The following AGBL4 variants were observed in gnomAD, a reference collection of about 807,000 sequenced individuals.
The protein encoded by AGBL4 is AGBL carboxypeptidase 4.
AGBL4 carries 58 observed loss-of-function variants against 66.4 expected under a neutral mutation model. The observed-to-expected ratio is 0.87, with a 90% confidence interval of 0.71 to 1.09. AGBL4 has a LOEUF of 1.09. AGBL4 is among the 50% of genes least tolerant of loss of function. The pLI is 0.00. For missense variants in AGBL4, 579 were observed against 631.0 expected (o/e 0.92, Z 0.88); for synonymous variants, 234 against 222.9 (o/e 1.05, Z -0.44).
chr1:48,578,135 A>G (rs939470540), intron 11 of AGBL4, among the ~76,000 whole-genome samples: 1 of 152,198 alleles, frequency 6.6e-6, no homozygotes, highest in Non-Finnish European at 1.5e-5. Flanking sequence ...AGATCACATC[A>G]TTTCATCTTC....
chr1:49,363,338 T>C (rs1267437596), intron 3 of AGBL4, among the ~76,000 whole-genome samples: 1 of 152,188 alleles, frequency 6.6e-6, no homozygotes, highest in Non-Finnish European at 1.5e-5. Context: ...GTACACACGG[T>C]TGGCTGGCCT....
chr1:49,103,805 C>G (rs554966877), intron 4 of AGBL4, among the ~76,000 whole-genome samples: 7 of 152,170 alleles, frequency 4.6e-5, no homozygotes, highest in Non-Finnish European at 1.0e-4. Context: ...TTCTGTTTGA[C>G]TGATATCCTT....
chr1:49,581,031 T>C (rs1217737939), intron 3 of AGBL4, among the ~76,000 whole-genome samples: 9 of 152,182 alleles, frequency 5.9e-5, no homozygotes, highest in Non-Finnish European at 2.9e-5. Flanking sequence ...TCACAAATGT[T>C]TCAAAGGCTT....
At chr1:48,547,893 T>C (rs1207806249) in intron 11 of AGBL4, among the ~76,000 whole-genome samples, 1 of 152,172 alleles carries the variant, frequency 6.6e-6, no homozygotes, top group Non-Finnish European at 1.5e-5. Flanking sequence ...TTCCCTTCAC[T>C]GGGCCTAACT....
intron 4 of AGBL4, among the ~76,000 whole-genome samples, chr1:49,097,217 AT>A (rs1360775461): frequency 6.6e-6 from 1 of 152,226 alleles, no homozygotes; most frequent in Non-Finnish European, 1.5e-5. Flanking sequence ...ACATAGAATA[AT>A]ATTCCTACAA....
intron 4 of AGBL4, among the ~76,000 whole-genome samples, chr1:49,094,337 G>T (rs968557041): frequency 6.6e-6 from 1 of 152,076 alleles, no homozygotes; most frequent in African/African-American, 2.4e-5. Context: ...TTGAGATGGG[G>T]ATATTATCTG....
At chr1:49,581,796 G>A (rs560596531) in intron 3 of AGBL4, among the ~76,000 whole-genome samples, 90 of 152,288 alleles carry the variant, frequency 5.9e-4, no homozygotes, top group Middle Eastern at 3.4e-3. Flanking sequence ...GGGAGTTCTA[G>A]GCAGGCTGAT....
At chr1:49,864,374 C>T (rs972135702) in intron 1 of AGBL4, among the ~76,000 whole-genome samples, 1 of 152,056 alleles carries the variant, frequency 6.6e-6, no homozygotes, top group Non-Finnish European at 1.5e-5. Flanking sequence ...TGACTATAGT[C>T]AATAATAACT....
chr1:49,209,916 G>C (rs544124467), intron 4 of AGBL4, among the ~76,000 whole-genome samples: 1 of 152,198 alleles, frequency 6.6e-6, no homozygotes, highest in Non-Finnish European at 1.5e-5. Context: ...AACTTCATGA[G>C]AGTCATTGGT....
intron 5 of AGBL4, among the ~76,000 whole-genome samples, chr1:49,038,728 G>GTACTCGCA (rs2149046163): frequency 6.6e-6 from 1 of 152,212 alleles, no homozygotes; most frequent in South Asian, 2.1e-4. Context: ...TGGAGCACAG[G>GTACTCGCA]TACTCGCATT....
At chr1:49,097,919 G>A (rs1371093928) in intron 4 of AGBL4, among the ~76,000 whole-genome samples, 1 of 152,200 alleles carries the variant, frequency 6.6e-6, no homozygotes, top group Non-Finnish European at 1.5e-5. Context: ...CTTTCATTCT[G>A]TTACTTAGGC....
chr1:49,598,350 C>T (rs148556653), intron 3 of AGBL4, among the ~76,000 whole-genome samples: 35 of 152,190 alleles, frequency 2.3e-4, no homozygotes, highest in Non-Finnish European at 4.3e-4. Flanking sequence ...GTGGTTTTAT[C>T]TACTTTTGGT....
At chr1:49,091,808 A>G (rs1375302884) in intron 4 of AGBL4, among the ~76,000 whole-genome samples, 2 of 152,202 alleles carry the variant, frequency 1.3e-5, no homozygotes, top group African/African-American at 2.4e-5. Flanking sequence ...GAGTGGATAA[A>G]GAAAATGTGG....
chr1:49,801,020 A>G (rs1399434152), intron 2 of AGBL4, among the ~76,000 whole-genome samples: 3 of 151,572 alleles, frequency 2.0e-5, no homozygotes, highest in Non-Finnish European at 4.4e-5. Flanking sequence ...CATCCTCTCC[A>G]GCACCTGTTG....
intron 6 of AGBL4, among the ~76,000 whole-genome samples, chr1:48,674,402 C>A (rs1646328919): frequency 6.6e-6 from 1 of 152,054 alleles, no homozygotes; most frequent in African/African-American, 2.4e-5. Flanking sequence ...GTGATGAGAG[C>A]AGAGTAGACC....
intron 1 of AGBL4, among the ~76,000 whole-genome samples, chr1:49,981,586 A>T (rs1254360822): frequency 1.3e-5 from 2 of 152,092 alleles, no homozygotes; most frequent in Non-Finnish European, 1.5e-5. Context: ...CTATATATAA[A>T]TATGAAAGCA....
At chr1:48,983,516 A>G (rs577363139) in intron 5 of AGBL4, among the ~76,000 whole-genome samples, 1 of 152,336 alleles carries the variant, frequency 6.6e-6, no homozygotes, top group South Asian at 2.1e-4. Context: ...TTATTGTAAA[A>G]GGCAACAAAG....
chr1:49,841,453 C>T (rs1008972872), intron 2 of AGBL4, among the ~76,000 whole-genome samples: 2 of 152,044 alleles, frequency 1.3e-5, no homozygotes, highest in African/African-American at 4.8e-5. Flanking sequence ...TTATTTCAAC[C>T]AAATTACCAA....
At chr1:49,075,571 C>G (rs1283327668) in intron 4 of AGBL4, among the ~76,000 whole-genome samples, 1 of 151,932 alleles carries the variant, frequency 6.6e-6, no homozygotes, top group Non-Finnish European at 1.5e-5. Context: ...TTTTATGGAG[C>G]CCCTAAATGC....
Sources: allele counts gnomAD v4.1 joint callset (sites outside exome capture counted in the v4.1 genomes callset), GRCh38; gene constraint gnomAD v4.1.1; transcripts MANE v1.5; gene names NCBI Gene and HGNC (gene_info 2026-07-23, HGNC 2026-07-21).